SIPA1L1: variants seen among roughly 807,000 people sequenced by gnomAD.
SIPA1L1 encodes the protein signal induced proliferation associated 1 like 1.
SIPA1L1 carries 26 observed loss-of-function variants against 162.7 expected under a neutral mutation model. The ratio of observed to expected loss-of-function variants is 0.16; its 90% CI spans 0.12 to 0.22. The LOEUF (loss-of-function observed/expected upper bound fraction) is 0.22. Ranked by LOEUF, SIPA1L1 falls within the 10% of genes least tolerant of loss-of-function variation. SIPA1L1 has a pLI of 1.00. For missense variants in SIPA1L1, 1,874 were observed against 2,241.0 expected (o/e 0.84, Z 3.31); for synonymous variants, 829 against 837.4 (o/e 0.99, Z 0.17).
intron 2 of SIPA1L1, among the ~76,000 whole-genome samples, chr14:71,390,149 G>C (rs2040629531): frequency 6.6e-6 from 1 of 152,150 alleles, no homozygotes; most frequent in African/African-American, 2.4e-5. Context: ...AAACCTGTTT[G>C]ATAAAACCTA....
intron 20 of SIPA1L1, among the ~76,000 whole-genome samples, chr14:71,730,838 C>T (rs1448309974): frequency 2.0e-5 from 3 of 152,218 alleles, no homozygotes; most frequent in Non-Finnish European, 4.4e-5. Context: ...CATGTTCTTG[C>T]ACCTGGTCCA....
intron 2 of SIPA1L1, among the ~76,000 whole-genome samples, chr14:71,363,503 G>A (rs905459240): frequency 4.6e-5 from 7 of 152,068 alleles, no homozygotes; most frequent in South Asian, 4.1e-4. Context: ...TAACACATTG[G>A]CTTTTTAAAC....
At chr14:71,357,589 T>C (rs1390603043) in intron 2 of SIPA1L1, among the ~76,000 whole-genome samples, 1 of 152,064 alleles carries the variant, frequency 6.6e-6, no homozygotes, top group East Asian at 1.9e-4. Context: ...TGAAACAGGG[T>C]CTCACTCTGT....
chr14:71,666,413 C>G (rs2044008877), intron 10 of SIPA1L1, among the ~76,000 whole-genome samples: 1 of 151,900 alleles, frequency 6.6e-6, no homozygotes, highest in African/African-American at 2.4e-5. Context: ...TGTGTGGATC[C>G]TATTTGGATC....
chr14:71,718,926 C>T (rs2083470843), intron 17 of SIPA1L1, among the ~76,000 whole-genome samples: 1 of 147,872 alleles, frequency 6.8e-6, no homozygotes, highest in African/African-American at 2.5e-5. Context: ...AGAATCTTTG[C>T]TTTTTTTTTT....
chr14:71,446,261 G>A (rs1227081051), intron 2 of SIPA1L1, among the ~76,000 whole-genome samples: 1 of 151,680 alleles, frequency 6.6e-6, no homozygotes. Context: ...TGCTCATTTG[G>A]GTTTCTAATA....
chr14:71,417,085 A>G (rs1465601335), intron 2 of SIPA1L1, among the ~76,000 whole-genome samples: 5 of 152,078 alleles, frequency 3.3e-5, no homozygotes, highest in African/African-American at 7.2e-5. Flanking sequence ...GAACTTAACT[A>G]CTAGTAGCCT....
At chr14:71,399,333 A>G (rs892251953) in intron 2 of SIPA1L1, among the ~76,000 whole-genome samples, 5 of 152,188 alleles carry the variant, frequency 3.3e-5, no homozygotes, top group Non-Finnish European at 5.9e-5. Flanking sequence ...TCTTTTGCCT[A>G]TGTAGTCAAA....
At chr14:71,391,816 C>T (rs144180718) in intron 2 of SIPA1L1, among the ~76,000 whole-genome samples, 59 of 152,178 alleles carry the variant, frequency 3.9e-4, no homozygotes, top group Non-Finnish European at 4.6e-4. Context: ...TTGGGAGGAC[C>T]GTAGCAAGTG....
chr14:71,684,994 C>G (rs184013149), intron 12 of SIPA1L1, among the ~76,000 whole-genome samples: 1 of 152,010 alleles, frequency 6.6e-6, no homozygotes, highest in Non-Finnish European at 1.5e-5. Context: ...TGTGTGAAGC[C>G]GCTTGCTTCC....
At chr14:71,467,764 C>G (rs1423368260) in intron 2 of SIPA1L1, among the ~76,000 whole-genome samples, 1 of 151,236 alleles carries the variant, frequency 6.6e-6, no homozygotes, top group Admixed American at 6.6e-5. Context: ...GCCTGTTATC[C>G]TAGCCCTCTG....
At chr14:71,678,154 C>A in intron 12 of SIPA1L1, among the ~76,000 whole-genome samples, 1 of 152,126 alleles carries the variant, frequency 6.6e-6, no homozygotes, top group East Asian at 1.9e-4. Flanking sequence ...CCTGATTGCC[C>A]CGGCCAGAAC....
At chr14:71,647,387 A>C (rs562014977) in intron 7 of SIPA1L1, among the ~76,000 whole-genome samples, 15 of 150,742 alleles carry the variant, frequency 1.0e-4, no homozygotes, top group African/African-American at 3.4e-4. Flanking sequence ...TCTGCAGGAA[A>C]CTTTTTTTTT....
intron 2 of SIPA1L1, among the ~76,000 whole-genome samples, chr14:71,338,868 T>C (rs918510121): frequency 6.6e-6 from 1 of 151,928 alleles, no homozygotes; most frequent in Non-Finnish European, 1.5e-5. Flanking sequence ...GCTTCCCGAG[T>C]AGCTAGGATT....
intron 3 of SIPA1L1, among the ~76,000 whole-genome samples, chr14:71,527,380 A>AT (rs2052990731): frequency 6.6e-6 from 1 of 150,754 alleles, no homozygotes; most frequent in Non-Finnish European, 1.5e-5. Context: ...TTATTTTTTA[A>AT]TTTTTTTGTA....
chr14:71,327,019 G>C (rs936904947), intron 2 of SIPA1L1, among the ~76,000 whole-genome samples: 1 of 150,066 alleles, frequency 6.7e-6, no homozygotes, highest in Non-Finnish European at 1.5e-5. Flanking sequence ...GCCTAATTTG[G>C]TATTTTTTGG....
At chr14:71,341,722 T>C (rs1484556596) in intron 2 of SIPA1L1, among the ~76,000 whole-genome samples, 1 of 152,198 alleles carries the variant, frequency 6.6e-6, no homozygotes, top group Non-Finnish European at 1.5e-5. Flanking sequence ...TACCCAGCGT[T>C]TAGCTCCCAA....
chr14:71,682,211 A>G (rs554435823), intron 12 of SIPA1L1, among the ~76,000 whole-genome samples: 2 of 152,328 alleles, frequency 1.3e-5, no homozygotes, highest in South Asian at 2.1e-4. Flanking sequence ...GTTGCTGTAA[A>G]GTGGCTAAAT....
intron 2 of SIPA1L1, among the ~76,000 whole-genome samples, chr14:71,448,092 A>G (rs559565157): frequency 1.3e-5 from 2 of 152,274 alleles, no homozygotes; most frequent in Admixed American, 6.5e-5. Flanking sequence ...AGTGGATGTC[A>G]TCTCCGTTTT....
Sources: gnomAD v4.1 joint callset for allele counts (sites outside exome capture counted in the v4.1 genomes callset) on GRCh38, gnomAD v4.1.1 for gene constraint, MANE v1.5 for transcripts, NCBI Gene and HGNC (gene_info 2026-07-23, HGNC 2026-07-21) for gene names.